MARCHF1: variants seen among roughly 807,000 people sequenced by gnomAD.
MARCHF1 encodes membrane associated ring-CH-type finger 1, also known as E3 ubiquitin-protein ligase MARCHF1.
In MARCHF1, 40 loss-of-function variants were observed where a neutral mutation model predicts 54.2. The observed-to-expected ratio is 0.74, with a 90% confidence interval of 0.57 to 0.96. MARCHF1 has a LOEUF of 0.96. Ranked by LOEUF, MARCHF1 falls within the 40% of genes least tolerant of loss-of-function variation. The pLI, the probability that MARCHF1 is intolerant of heterozygous loss-of-function variation, is 0.00. For missense variants in MARCHF1, 586 were observed against 656.5 expected, an observed-to-expected ratio of 0.89 and a Z score of 1.17; for synonymous variants, 236 against 236.3, an observed-to-expected ratio of 1.00 and a Z score of 0.01.
chr4:163,917,009 T>A (rs1306999290), intron 3 of MARCHF1, among the ~76,000 whole-genome samples: 1 of 152,104 alleles, frequency 6.6e-6, no homozygotes, highest in East Asian at 1.9e-4. Context: ...CCTATTCATC[T>A]CCTCCCCACA....
At chr4:164,040,275 T>C (rs1187588492) in intron 2 of MARCHF1, among the ~76,000 whole-genome samples, 2 of 143,810 alleles carry the variant, frequency 1.4e-5, no homozygotes, top group African/African-American at 5.0e-5. Context: ...ATATAATGTG[T>C]GTATATAGAC....
chr4:163,709,802 A>G (rs1745053701), intron 4 of MARCHF1, among the ~76,000 whole-genome samples: 1 of 152,236 alleles, frequency 6.6e-6, no homozygotes, highest in Non-Finnish European at 1.5e-5. Context: ...TAAATTGCTG[A>G]ACTTGCAAAA....
At chr4:163,744,830 A>AT (rs1444595701) in intron 4 of MARCHF1, among the ~76,000 whole-genome samples, 1 of 152,164 alleles carries the variant, frequency 6.6e-6, no homozygotes, top group Non-Finnish European at 1.5e-5. Flanking sequence ...AATTGAAAAT[A>AT]AAATAGAGCC....
At chr4:164,154,594 G>A (rs1469636944) in intron 1 of MARCHF1, among the ~76,000 whole-genome samples, 3 of 152,306 alleles carry the variant, frequency 2.0e-5, no homozygotes, top group East Asian at 1.9e-4. Flanking sequence ...TACGGGACGG[G>A]AAGCACGCAG....
In MARCHF1 at chr4:164,200,578, T is replaced by C. The variant is rs75050860; in HGVS notation, c.-322-88916A>G. 8.9e-3 allele frequency among the ~76,000 whole-genome samples: 1,360 copies of C among 152,288 alleles called. 18 individuals are homozygous for C. The highest frequency in any genetic ancestry group is 0.03 in the African/African-American group (1,265 of 41,554). On this transcript the variant is annotated intron_variant, in intron 1 of 9. Transcript: ENST00000514618. ...ACAGATCAAATGTTTGCAAACTAAA[T>C]GGATCCCACAATTATCTTTCTTCAA... is the stretch of plus-strand genomic sequence containing the variant.
At chr4:164,172,372 A>G (rs78019495) in intron 1 of MARCHF1, among the ~76,000 whole-genome samples, 1 of 152,184 alleles carries the variant, frequency 6.6e-6, no homozygotes, top group Admixed American at 6.5e-5. Flanking sequence ...GAATTTACTT[A>G]TCTTACTTAT....
intron 1 of MARCHF1, among the ~76,000 whole-genome samples, chr4:164,175,993 G>GTCAA (rs1304608159): frequency 3.9e-5 from 6 of 152,084 alleles, no homozygotes; most frequent in Admixed American, 1.3e-4. Context: ...TCCTCATCAA[G>GTCAA]TCAATCATCA....
At chr4:163,712,987 AATTGTTTCTATATTATGAATCCT>A (rs1196639818) in intron 4 of MARCHF1, among the ~76,000 whole-genome samples, 3 of 152,102 alleles carry the variant, frequency 2.0e-5, no homozygotes, top group Non-Finnish European at 4.4e-5. Flanking sequence ...AACACAGCTG[AATTGTTTCTATATTATGAATCCT>A]ATTGTTTCTA....
intron 1 of MARCHF1, among the ~76,000 whole-genome samples, chr4:164,341,427 C>T (rs1729925513): frequency 6.6e-6 from 1 of 151,918 alleles, no homozygotes; most frequent in African/African-American, 2.4e-5. Context: ...GAAAAATAAA[C>T]AAAAGCCAAC....
At chr4:164,099,978 T>C (rs1755503867) in intron 2 of MARCHF1, among the ~76,000 whole-genome samples, 1 of 152,176 alleles carries the variant, frequency 6.6e-6, no homozygotes, top group African/African-American at 2.4e-5. Flanking sequence ...AATAAATAAA[T>C]AAAATTCCAT....
intron 1 of MARCHF1, among the ~76,000 whole-genome samples, chr4:164,239,898 T>C (rs116513718): frequency 0.014 from 2,154 of 152,300 alleles, 30 homozygotes; most frequent in Non-Finnish European, 0.021. Flanking sequence ...CTTAATACTA[T>C]GATTATTTTA....
At chr4:163,757,986 C>T (rs1256580966) in intron 4 of MARCHF1, among the ~76,000 whole-genome samples, 3 of 151,038 alleles carry the variant, frequency 2.0e-5, no homozygotes, top group East Asian at 1.9e-4. Flanking sequence ...TTTCTGTTTA[C>T]GTATAGTAAA....
chr4:163,755,339 T>C (rs897792766), intron 4 of MARCHF1, among the ~76,000 whole-genome samples: 4 of 152,194 alleles, frequency 2.6e-5, no homozygotes, highest in African/African-American at 9.7e-5. Context: ...TTTTTGTCCT[T>C]CTTTTTAAAG....
At chr4:163,919,178 T>C (rs991208289) in intron 3 of MARCHF1, among the ~76,000 whole-genome samples, 1 of 152,136 alleles carries the variant, frequency 6.6e-6, no homozygotes, top group African/African-American at 2.4e-5. Flanking sequence ...TTGAATTTTA[T>C]TTGAAAAGCA....
At chr4:163,861,721 C>T (rs1400922839) in intron 3 of MARCHF1, among the ~76,000 whole-genome samples, 1 of 151,998 alleles carries the variant, frequency 6.6e-6, no homozygotes, top group Non-Finnish European at 1.5e-5. Flanking sequence ...GATAGTGATA[C>T]ACTTATTCTA....
At chr4:164,176,980 C>G (rs4056069) in intron 1 of MARCHF1, among the ~76,000 whole-genome samples, 1 of 58,922 alleles carries the variant, frequency 1.7e-5, no homozygotes, top group African/African-American at 7.2e-5. Flanking sequence ...CTCTCTCTCT[C>G]TATATATATA....
rs1009391831 is a variant in MARCHF1 at position 163,528,532 on chromosome 4, C to T, written c.*216G>A. 110 of 497,420 alleles carry T rather than the reference C, an allele frequency of 2.2e-4. No individual in the cohort carries two copies. Among genetic ancestry groups the T allele is most frequent in the Non-Finnish European group, 7.8e-5 (22 of 282,230 alleles). 30.8% of individuals were successfully genotyped at this position (497,420 alleles called of 1,614,324 possible). On this transcript the variant is annotated 3_prime_UTR_variant, in exon 10 of 10. Coordinates refer to ENST00000514618, the MANE Select transcript of MARCHF1 (RefSeq NM_001394959.1). The stretch of plus-strand genomic sequence containing the variant: ...CATTCTCTTGCAAACTTCACATTTC[C>T]ATATCATACTTTACTTTACGCTATT...
At chr4:163,900,434 T>A (rs1448104152) in intron 3 of MARCHF1, among the ~76,000 whole-genome samples, 1 of 151,970 alleles carries the variant, frequency 6.6e-6, no homozygotes, top group Non-Finnish European at 1.5e-5. Flanking sequence ...TCCCAGAAAA[T>A]GCAAAATCCT....
chr4:163,839,336 C>T (rs1479708810), intron 4 of MARCHF1, among the ~76,000 whole-genome samples: 1 of 151,984 alleles, frequency 6.6e-6, no homozygotes, highest in Non-Finnish European at 1.5e-5. Flanking sequence ...CACTGAGTTA[C>T]CATAAGACCA....
Sources: allele counts gnomAD v4.1 joint callset (sites outside exome capture counted in the v4.1 genomes callset), GRCh38; gene constraint gnomAD v4.1.1; transcripts MANE v1.5; gene names NCBI Gene and HGNC (gene_info 2026-07-23, HGNC 2026-07-21).